The following THOC2 variants were observed in gnomAD, a reference collection of about 807,000 sequenced individuals.
THOC2 encodes the protein THO complex 2.
Under a neutral mutation model 128.4 loss-of-function variants are expected in THOC2, and 10 were observed. The ratio of observed to expected loss-of-function variants is 0.08; its 90% confidence interval spans 0.05 to 0.13. The LOEUF (loss-of-function observed/expected upper bound fraction) is 0.13, where lower values mean the gene tolerates loss of function less well. THOC2 is among the 10% of genes least tolerant of loss of function. The pLI, the probability that THOC2 is intolerant of heterozygous loss-of-function variation, is 1.00. For missense variants in THOC2, 535 were observed against 1,155.7 expected (o/e 0.46, Z 7.79); for synonymous variants, 393 against 396.9 (o/e 0.99, Z 0.12).
chrX:123,669,244 A>G (rs17259505), intron 9 of THOC2, among the ~76,000 whole-genome samples: 248 of 109,204 alleles, frequency 2.3e-3, no homozygotes, highest in Non-Finnish European at 3.8e-3. Flanking sequence ...CTCATTCTGT[A>G]TGTTCTCCCC....
intron 17 of THOC2, 150 bp from the exon 18 acceptor site, chrX:123,638,273 T>C (rs1213321160): frequency 1.8e-5 from 7 of 394,873 alleles, no homozygotes; most frequent in African/African-American, 2.6e-5. Context: ...AAACTAATTA[T>C]TGAAAAATAC....
At chrX:123,645,710 C>T (rs1479518034) in intron 12 of THOC2, among the ~76,000 whole-genome samples, 3 of 112,566 alleles carry the variant, frequency 2.7e-5, no homozygotes, top group East Asian at 2.8e-4. Context: ...GCCTGTAATC[C>T]CAGCACTTTG....
intron 7 of THOC2, among the ~76,000 whole-genome samples, chrX:123,695,433 A>G (rs1032631884): frequency 1.8e-5 from 2 of 112,224 alleles, no homozygotes; most frequent in African/African-American, 6.5e-5. Context: ...GGGTAGGGAG[A>G]ATAATAACTT....
At chrX:123,701,198 CA>C (rs1371247907) in intron 4 of THOC2, among the ~76,000 whole-genome samples, 1 of 110,907 alleles carries the variant, frequency 9.0e-6, no homozygotes, top group South Asian at 3.8e-4. Context: ...ACTAAAAATA[CA>C]AAAAAAATTA....
chrX:123,639,102 A>T (rs1287764851), intron 16 of THOC2, 75 bp from the exon 17 acceptor site: 1 of 417,480 alleles, frequency 2.4e-6, no homozygotes, highest in Non-Finnish European at 4.1e-6. Context: ...AGTAATGGCT[A>T]CACTTTCTAT....
intron 12 of THOC2, among the ~76,000 whole-genome samples, chrX:123,662,999 T>C (rs1269143855): frequency 1.8e-5 from 2 of 112,077 alleles, no homozygotes; most frequent in African/African-American, 3.2e-5. Flanking sequence ...TCTCATACAA[T>C]AGCTGTTAGG....
At chrX:123,722,160 G>A (rs2051731641) in intron 1 of THOC2, among the ~76,000 whole-genome samples, 1 of 111,886 alleles carries the variant, frequency 8.9e-6, no homozygotes, top group Non-Finnish European at 1.9e-5. Flanking sequence ...ACAGTGTGGT[G>A]ATTCCCCAAG....
chrX:123,668,934 A>T (rs112451854), intron 9 of THOC2, among the ~76,000 whole-genome samples: 73 of 111,692 alleles, frequency 6.5e-4, no homozygotes, highest in African/African-American at 2.1e-3. Context: ...GTCACCTTGT[A>T]TGAGTGGAAG....
In THOC2 at chrX:123,722,359, C is replaced by T. The variant is rs992347870; in HGVS notation, c.72-9451G>A. ...TAGACTGGATAAAGAAAATGTGGCA[C>T]ATATATACCATGGAATACTATGCAA... On this transcript the variant is annotated intron_variant, in intron 1 of 38. Coordinates refer to ENST00000245838, the MANE Select transcript of THOC2 (RefSeq NM_001081550.2). Among the ~76,000 whole-genome samples the T allele has an allele frequency of 4.5e-5, 5 of 111,783 alleles. No individual in the cohort carries two copies. The Admixed American group carries it at 4.8e-4, about 11-fold the overall frequency.
intron 11 of THOC2, 30 bp downstream of exon 11, chrX:123,667,076 C>T (rs1372397728): frequency 9.4e-7 from 1 of 1,063,083 alleles, no homozygotes; most frequent in East Asian, 3.1e-5. Context: ...ATTTCTACCT[C>T]AATGATTAAT....
intron 12 of THOC2, among the ~76,000 whole-genome samples, chrX:123,648,930 G>A (rs1411886452): frequency 8.9e-6 from 1 of 112,051 alleles, no homozygotes; most frequent in Non-Finnish European, 1.9e-5. Context: ...CTCTGAAGAG[G>A]GCAGCGGATC....
chrX:123,699,169 C>G (rs1400764368), intron 4 of THOC2, among the ~76,000 whole-genome samples: 1 of 111,876 alleles, frequency 8.9e-6, no homozygotes, highest in Non-Finnish European at 1.9e-5. Flanking sequence ...ACAGTCAACT[C>G]ATAATTTAGA....
At chrX:123,688,092 A>G (rs890274533) in intron 7 of THOC2, among the ~76,000 whole-genome samples, 2 of 112,243 alleles carry the variant, frequency 1.8e-5, no homozygotes, top group African/African-American at 6.5e-5. Flanking sequence ...TATACCTACC[A>G]TATGACCCAG....
rs191151797 is a variant in THOC2, at chrX:123,604,450, G to A, written c.*19-3112C>T. ...CCATTTCCCTATGTTTCACAATGCC[G>A]TCCTATGCACAAACATCCTCAAAGA... On this transcript the variant is annotated intron_variant, in intron 38 of 38. Transcript: ENST00000245838. 2.5e-4 allele frequency among the ~76,000 whole-genome samples: 27 copies of A among 108,998 alleles called. No individual in the cohort carries two copies. The East Asian group carries it at 2.9e-3, about 12-fold the overall frequency. 94.7% of individuals were successfully genotyped at this position (108,998 alleles called of 115,157 possible).
chrX:123,713,585 ACG>A (rs911941963), intron 1 of THOC2, among the ~76,000 whole-genome samples: 3 of 111,418 alleles, frequency 2.7e-5, no homozygotes, highest in Non-Finnish European at 5.7e-5. Context: ...ATGGTGGCTT[ACG>A]CCTGTAATCC....
intron 22 of THOC2, among the ~76,000 whole-genome samples, chrX:123,628,779 A>C (rs761387056): frequency 9.0e-6 from 1 of 110,841 alleles, no homozygotes; most frequent in African/African-American, 3.3e-5. Context: ...ATTTGTTTTA[A>C]GACTGCTAAG....
chrX:123,689,459 C>T (rs907204178), intron 7 of THOC2, among the ~76,000 whole-genome samples: 5 of 111,843 alleles, frequency 4.5e-5, no homozygotes, highest in Non-Finnish European at 7.5e-5. Flanking sequence ...CAGGGTCTCG[C>T]TCTGTTGCCC....
rs2051157447 is a variant in THOC2 at position 123,710,916 on chromosome X, G to A, written c.130+1934C>T. The stretch of plus-strand genomic sequence containing the variant: ...GAGGCAGGAGAATCGCTTGAACCTG[G>A]GAGACAGAGGTTGCTGTGAGCCAAG... On this transcript the variant is annotated intron_variant, in intron 2 of 38. Coordinates refer to ENST00000245838, the MANE Select transcript of THOC2 (RefSeq NM_001081550.2). 4.8e-5 allele frequency among the ~76,000 whole-genome samples: 5 copies of A among 103,555 alleles called. No homozygotes were observed. In the South Asian group the frequency reaches 2.4e-3, roughly 50 times the overall value. 89.9% of individuals were successfully genotyped at this position (103,555 alleles called of 115,157 possible). A position where few individuals can be genotyped will look rare whatever the true frequency, so the allele number is the denominator to read the frequency against.
chrX:123,641,231 T>C (rs181730014), intron 15 of THOC2, among the ~76,000 whole-genome samples: 2 of 112,391 alleles, frequency 1.8e-5, no homozygotes, highest in East Asian at 5.5e-4. Flanking sequence ...ATCTATGAAT[T>C]CTTACAGTTC....
Sources: gnomAD v4.1 joint callset for allele counts (sites outside exome capture counted in the v4.1 genomes callset) on GRCh38, gnomAD v4.1.1 for gene constraint, MANE v1.5 for transcripts, NCBI Gene and HGNC (gene_info 2026-07-23, HGNC 2026-07-21) for gene names.